Variants in AGMO observed in about 807,000 individuals in gnomAD.
AGMO encodes the protein glyceryl-ether monooxygenase.
In AGMO, 75 loss-of-function variants were observed where a neutral mutation model predicts 60.2. The observed-to-expected ratio is 1.25, with a 90% CI of 1.03 to 1.51. The LOEUF (loss-of-function observed/expected upper bound fraction) is 1.51, where lower values mean the gene tolerates loss of function less well. Ranked by LOEUF, AGMO falls within the 40% of genes most tolerant of loss-of-function variation. AGMO has a pLI of 0.00. For missense variants in AGMO, 763 were observed against 525.5 expected (o/e 1.45, Z -4.42); for synonymous variants, 261 against 177.1 (o/e 1.47, Z -3.76).
chr7:15,430,932 T>TTTTTTTTGTGGAAA, intron 4 of AGMO, 73 bp downstream of exon 4: 2 of 786,912 alleles, frequency 2.5e-6, no homozygotes, highest in East Asian at 3.0e-5. Flanking sequence ...TTTTTTTTTT[T>TTTTTTTTGTGGAAA]TGAGGAAATA....
At chr7:15,199,322 G>A (rs1045582261), downstream of AGMO, among the ~76,000 whole-genome samples, 1 of 152,148 alleles carries the variant, frequency 6.6e-6, no homozygotes, top group Non-Finnish European at 1.5e-5. Flanking sequence ...AGAGAAGAGA[G>A]AGAATAGACA....
intron 3 of AGMO, among the ~76,000 whole-genome samples, chr7:15,476,794 C>G (rs530381813): frequency 2.6e-5 from 4 of 152,212 alleles, no homozygotes; most frequent in African/African-American, 9.6e-5. Context: ...AGGTTTGTAT[C>G]AGTTGAAGGA....
At chr7:15,206,999 C>A (rs1454417677) in intron 12 of AGMO, among the ~76,000 whole-genome samples, 1 of 152,094 alleles carries the variant, frequency 6.6e-6, no homozygotes, top group Non-Finnish European at 1.5e-5. Context: ...TAATTTTATA[C>A]AATTATTTAC....
At chr7:15,306,613 C>G (rs1780623011) in intron 12 of AGMO, 1 of 424,318 alleles carries the variant, frequency 2.4e-6, no homozygotes, top group South Asian at 1.7e-5. Context: ...TTTGTGTTAC[C>G]TTGCTAAAAA....
intron 5 of AGMO, among the ~76,000 whole-genome samples, chr7:15,403,974 C>T (rs966772510): frequency 1.3e-5 from 2 of 151,814 alleles, no homozygotes; most frequent in Non-Finnish European, 1.5e-5. Context: ...GATTTATTCA[C>T]GGCCAAATGT....
intron 10 of AGMO, among the ~76,000 whole-genome samples, chr7:15,381,245 C>G (rs1223277456): frequency 6.6e-6 from 1 of 152,072 alleles, no homozygotes; most frequent in Admixed American, 6.6e-5. Flanking sequence ...AACAGACAAC[C>G]TACAGAATGG....
At chr7:15,288,726 ATG>A (rs1233473517) in intron 12 of AGMO, among the ~76,000 whole-genome samples, 1 of 151,718 alleles carries the variant, frequency 6.6e-6, no homozygotes, top group African/African-American at 2.4e-5. Context: ...AAGTGACTGA[ATG>A]TGTTATAGCA....
At chr7:15,311,798 T>C (rs1236452355) in intron 12 of AGMO, among the ~76,000 whole-genome samples, 1 of 152,290 alleles carries the variant, frequency 6.6e-6, no homozygotes. Context: ...TTATCAGACA[T>C]ATATTCTAAA....
intron 12 of AGMO, among the ~76,000 whole-genome samples, chr7:15,244,895 G>A (rs1054508798): frequency 6.6e-6 from 1 of 152,100 alleles, no homozygotes; most frequent in African/African-American, 2.4e-5. Context: ...TTTGTGATCT[G>A]CCTGCCTTGG....
At chr7:15,403,363 A>C (rs1359010013) in intron 5 of AGMO, among the ~76,000 whole-genome samples, 2 of 151,920 alleles carry the variant, frequency 1.3e-5, no homozygotes, top group African/African-American at 4.8e-5. Context: ...CAGAAATTGA[A>C]ATAATCTGTA....
At chr7:15,181,528 T>C in the AGMO span, among the ~76,000 whole-genome samples, 5 of 152,216 alleles carry the variant, frequency 3.3e-5, no homozygotes, top group Admixed American at 2.0e-4. Context: ...TCTACTCCTA[T>C]TCTATTTTTG....
At chr7:15,444,554 T>A (rs1781648838) in intron 3 of AGMO, among the ~76,000 whole-genome samples, 1 of 152,208 alleles carries the variant, frequency 6.6e-6, no homozygotes, top group African/African-American at 2.4e-5. Flanking sequence ...TTTGATCACT[T>A]CTTCTGTTTT....
chr7:15,234,096 A>G (rs1782344033), intron 12 of AGMO, among the ~76,000 whole-genome samples: 1 of 152,150 alleles, frequency 6.6e-6, no homozygotes, highest in Admixed American at 6.5e-5. Flanking sequence ...ACAGGTCGAA[A>G]TAAATCTTCA....
chr7:15,347,982 A>G (rs370908892), intron 12 of AGMO, among the ~76,000 whole-genome samples: 7 of 152,022 alleles, frequency 4.6e-5, no homozygotes, highest in East Asian at 3.9e-4. Context: ...CTTACTAAAT[A>G]TAGTTTACTC....
rs553100116 is a variant in AGMO, at chr7:15,291,547, G to C, written c.1263+73967C>G. Among the ~76,000 whole-genome samples the C allele has an allele frequency of 1.3e-3, 200 of 152,172 alleles. 2 individuals are homozygous for C. Among genetic ancestry groups the C allele is most frequent in the Non-Finnish European group, 2.4e-3 (163 of 68,000 alleles). ...GAAACTCTTTAGAACCCATGGAATA[G>C]TATCATAATCTTAAAATTTCTTTTT... On this transcript the variant is annotated intron_variant, in intron 12 of 12. Coordinates refer to ENST00000342526, the MANE Select transcript of AGMO (RefSeq NM_001004320.2).
intron 10 of AGMO, among the ~76,000 whole-genome samples, chr7:15,376,207 G>A (rs191394813): frequency 2.0e-5 from 3 of 151,354 alleles, no homozygotes; most frequent in Admixed American, 1.3e-4. Flanking sequence ...CCCACATTAC[G>A]TAACTTAGTT....
rs547953485 is a variant in AGMO, at chr7:15,416,753, T to C, written c.609+1805A>G. 5.9e-5 allele frequency among the ~76,000 whole-genome samples: 9 copies of C among 152,346 alleles called. No homozygotes were observed. In the South Asian group the frequency reaches 1.7e-3, roughly 28 times the overall value. On this transcript the variant is annotated intron_variant, in intron 5 of 12. Transcript: ENST00000342526. ...CTATAGGGTTTCATACAATTTACAG[T>C]ACAGGAAAACATAAAGTGAGTATCT...
intron 3 of AGMO, among the ~76,000 whole-genome samples, chr7:15,516,621 T>C (rs1783813476): frequency 6.6e-6 from 1 of 152,216 alleles, no homozygotes; most frequent in Non-Finnish European, 1.5e-5. Flanking sequence ...TTCCTTGTCT[T>C]TTAAATTGTA....
intron 10 of AGMO, among the ~76,000 whole-genome samples, chr7:15,381,422 A>G (rs1364829113): frequency 1.3e-5 from 2 of 152,140 alleles, no homozygotes; most frequent in African/African-American, 4.8e-5. Flanking sequence ...ATATGAAAAA[A>G]AAAAGTTCAA....
Sources: gnomAD v4.1 joint callset for allele counts (sites outside exome capture counted in the v4.1 genomes callset) on GRCh38, gnomAD v4.1.1 for gene constraint, MANE v1.5 for transcripts, NCBI Gene and HGNC (gene_info 2026-07-23, HGNC 2026-07-21) for gene names.